The following EXOC6 variants were observed in gnomAD, a reference collection of about 807,000 sequenced individuals.
The protein encoded by EXOC6 is exocyst complex component 6.
In EXOC6, 60 loss-of-function variants were observed where a neutral mutation model predicts 112.5. The ratio of observed to expected loss-of-function variants is 0.53; its 90% CI spans 0.43 to 0.66. The LOEUF is 0.66. Among genes scored for constraint, EXOC6 ranks in the 30% least tolerant of loss-of-function variants. The probability of loss-of-function intolerance (pLI) is 0.00; values close to 1 mark genes in which losing one functional copy is unlikely to be tolerated. For synonymous variants in EXOC6, 295 were observed against 308.0 expected (o/e 0.96, Z 0.44); for missense variants, 855 against 957.1 (o/e 0.89, Z 1.41).
intron 15 of EXOC6, 130 bp downstream of exon 15, chr10:92,952,512 G>A: frequency 3.0e-6 from 2 of 664,372 alleles, no homozygotes; most frequent in South Asian, 3.5e-5. Context: ...TGTTATAGGG[G>A]CATATTGTGT....
At chr10:92,978,717 C>A (rs1428052198) in intron 18 of EXOC6, among the ~76,000 whole-genome samples, 1 of 152,100 alleles carries the variant, frequency 6.6e-6, no homozygotes, top group Non-Finnish European at 1.5e-5. Flanking sequence ...AAAATGATTT[C>A]TTGGTTTAAG....
At chr10:92,837,449 C>T (rs187339998) in intron 1 of EXOC6, among the ~76,000 whole-genome samples, 4 of 152,214 alleles carry the variant, frequency 2.6e-5, no homozygotes, top group Admixed American at 2.0e-4. Flanking sequence ...GGTGGGAGAT[C>T]GCTTGAGGCC....
At chr10:93,052,329 A>G (rs1309822283) in intron 20 of EXOC6, among the ~76,000 whole-genome samples, 1 of 152,212 alleles carries the variant, frequency 6.6e-6, no homozygotes, top group East Asian at 1.9e-4. Flanking sequence ...GTAGGATGGG[A>G]AACTGTCAGC....
intron 18 of EXOC6, among the ~76,000 whole-genome samples, chr10:92,991,948 A>G (rs71480848): frequency 6.6e-6 from 1 of 152,160 alleles, no homozygotes; most frequent in South Asian, 2.1e-4. Flanking sequence ...GAAATAGAGT[A>G]TAAGAGGAAT....
chr10:92,926,059 A>C (rs2133927000), intron 8 of EXOC6, among the ~76,000 whole-genome samples: 1 of 151,860 alleles, frequency 6.6e-6, no homozygotes, highest in South Asian at 2.1e-4. Context: ...TTTTAAAAAA[A>C]AAAAAAAACA....
At position 92,952,375 on chromosome 10, in the gene EXOC6, C is replaced by T; in HGVS notation, c.1519C>T (p.His507Tyr). 1 of 1,580,808 alleles carries T rather than the reference C, an allele frequency of 6.3e-7. No homozygotes were observed. Among genetic ancestry groups the T allele is most frequent in the Non-Finnish European group, 8.7e-7 (1 of 1,151,696 alleles). The change falls in exon 15 of 22, where the codon CAC (histidine) becomes TAC (tyrosine). Residue 507 changes from histidine (H) to tyrosine (Y), a missense_variant. His to Tyr is a moderately conservative substitution (Grantham distance 83, BLOSUM62 2). Transcript: ENST00000260762. ...CAGCCTTAAATTTTCAGAGTCACTACACCGGAGGTGAGTTTACTAATCACA... is the reference window on the plus strand; with the variant it reads ...CAGCCTTAAATTTTCAGAGTCACTATACCGGAGGTGAGTTTACTAATCACA... ...YASLKFSESL[H>Y]RSSTEIDDML... is the part of the protein sequence containing the mutation.
intron 5 of EXOC6, among the ~76,000 whole-genome samples, chr10:92,903,373 AT>A (rs58146053): frequency 0.036 from 5,280 of 145,526 alleles, 183 homozygotes; most frequent in East Asian, 0.15. Flanking sequence ...GAATAAACAA[AT>A]TTTTTTTTTT....
chr10:92,835,846 A>G (rs183026559), intron 1 of EXOC6, among the ~76,000 whole-genome samples: 25 of 152,328 alleles, frequency 1.6e-4, no homozygotes, highest in South Asian at 6.2e-4. Flanking sequence ...CAACTCCATT[A>G]TAACTATTAC....
intron 5 of EXOC6, among the ~76,000 whole-genome samples, chr10:92,907,751 G>A (rs1049383473): frequency 6.6e-6 from 1 of 152,040 alleles, no homozygotes; most frequent in African/African-American, 2.4e-5. Context: ...AAAATGTTAT[G>A]CATTACACTG....
At chr10:92,918,980 C>T (rs1279553665) in intron 7 of EXOC6, among the ~76,000 whole-genome samples, 1 of 152,110 alleles carries the variant, frequency 6.6e-6, no homozygotes, top group African/African-American at 2.4e-5. Flanking sequence ...TGATTAGTCC[C>T]TTGAAATTAT....
At chr10:92,934,249 A>G in intron 10 of EXOC6, 59 bp downstream of exon 10, 1 of 1,538,284 alleles carries the variant, frequency 6.5e-7, no homozygotes. Flanking sequence ...AATGCCAGAA[A>G]TACTTACTTT....
intron 5 of EXOC6, among the ~76,000 whole-genome samples, chr10:92,908,057 C>CTTTTTTTTT (rs10632745): frequency 3.0e-5 from 3 of 100,706 alleles, no homozygotes; most frequent in Admixed American, 1.3e-4. Flanking sequence ...AATATAATGT[C>CTTTTTTTTT]TTTTTTTTTT....
chr10:92,983,500 C>CTTTTTT (rs11349490), intron 18 of EXOC6, among the ~76,000 whole-genome samples: 15 of 109,384 alleles, frequency 1.4e-4, no homozygotes, highest in East Asian at 2.7e-4. Flanking sequence ...CTTTCTTCTT[C>CTTTTTT]TTTTTTTTTT....
chr10:92,923,111 T>C (rs913434334), intron 8 of EXOC6, among the ~76,000 whole-genome samples: 3 of 151,688 alleles, frequency 2.0e-5, no homozygotes, highest in Admixed American at 6.6e-5. Context: ...TGTGTAGATA[T>C]GGTGTTTGAA....
intron 20 of EXOC6, among the ~76,000 whole-genome samples, chr10:93,022,656 G>GT (rs1288550102): frequency 2.0e-5 from 3 of 151,962 alleles, no homozygotes; most frequent in South Asian, 2.1e-4. Context: ...ACCTATATTT[G>GT]TTTTTTTGCT....
At chr10:92,934,278 T>A in intron 10 of EXOC6, 32 bp from the exon 11 acceptor site, 1 of 1,562,478 alleles carries the variant, frequency 6.4e-7, no homozygotes, top group Non-Finnish European at 8.6e-7. Context: ...GTTTTTTTTT[T>A]TAACACATGC....
intron 1 of EXOC6, among the ~76,000 whole-genome samples, chr10:92,880,947 A>G (rs1369104391): frequency 6.6e-6 from 1 of 152,206 alleles, no homozygotes; most frequent in African/African-American, 2.4e-5. Flanking sequence ...CTTGTATTCT[A>G]CATGAAAACT....
chr10:92,852,199 GTATCA>G (rs1847384061), intron 1 of EXOC6, among the ~76,000 whole-genome samples: 1 of 152,174 alleles, frequency 6.6e-6, no homozygotes, highest in Non-Finnish European at 1.5e-5. Flanking sequence ...GAATAGCCCT[GTATCA>G]ATTAAAGAAA....
At chr10:92,948,573 C>CACCACTACTACT (rs1554900786) in intron 14 of EXOC6, among the ~76,000 whole-genome samples, 194 bp downstream of exon 14, 1 of 140,174 alleles carries the variant, frequency 7.1e-6, no homozygotes, top group Non-Finnish European at 1.5e-5. Context: ...CTACTACTAC[C>CACCACTACTACT]ACTACTACTA....
Sources: gnomAD v4.1 joint callset for allele counts (sites outside exome capture counted in the v4.1 genomes callset) on GRCh38, gnomAD v4.1.1 for gene constraint, MANE v1.5 for transcripts, NCBI Gene and HGNC (gene_info 2026-07-23, HGNC 2026-07-21) for gene names.